The following SND1 variants were observed in gnomAD, a reference collection of about 807,000 sequenced individuals.
The protein encoded by SND1 is staphylococcal nuclease domain-containing protein 1.
SND1 carries 38 observed loss-of-function variants against 121.7 expected under a neutral mutation model. The ratio of observed to expected loss-of-function variants is 0.31; its 90% CI spans 0.24 to 0.41. SND1 has a LOEUF of 0.41. Ranked by LOEUF, SND1 falls within the 10% of genes least tolerant of loss-of-function variation. SND1 has a pLI of 1.00. For missense variants in SND1, 868 were observed against 1,184.6 expected, an observed-to-expected ratio of 0.73 and a Z score of 3.92; for synonymous variants, 401 against 447.4, an observed-to-expected ratio of 0.90 and a Z score of 1.31.
At chr7:128,064,647 T>G (rs1793283700) in intron 16 of SND1, among the ~76,000 whole-genome samples, 1 of 152,170 alleles carries the variant, frequency 6.6e-6, no homozygotes, top group Non-Finnish European at 1.5e-5. Context: ...AAGTGAGCGC[T>G]GCACTAGAGG....
chr7:127,820,336 G>A (rs1442952895), intron 11 of SND1, among the ~76,000 whole-genome samples: 2 of 152,140 alleles, frequency 1.3e-5, no homozygotes, highest in Non-Finnish European at 2.9e-5. Context: ...TTAGCCAGGT[G>A]CTTTTTCACA....
intron 12 of SND1, among the ~76,000 whole-genome samples, chr7:127,847,770 G>A (rs1446759896): frequency 6.6e-6 from 1 of 152,192 alleles, no homozygotes; most frequent in Non-Finnish European, 1.5e-5. Context: ...CAATAATATG[G>A]CACTGGTTTT....
intron 11 of SND1, among the ~76,000 whole-genome samples, chr7:127,833,006 G>A (rs957671438): frequency 1.3e-5 from 2 of 152,148 alleles, no homozygotes; most frequent in Admixed American, 6.5e-5. Flanking sequence ...TGTAAAAATT[G>A]TCTTCTACAA....
chr7:127,747,047 A>G (rs1796995382), intron 10 of SND1, among the ~76,000 whole-genome samples: 1 of 152,208 alleles, frequency 6.6e-6, no homozygotes, highest in African/African-American at 2.4e-5. Flanking sequence ...TTGAGAATAA[A>G]TGCCTTTGCA....
intron 14 of SND1, among the ~76,000 whole-genome samples, chr7:127,921,265 A>C (rs79233216): frequency 0.058 from 8,828 of 152,230 alleles, 743 homozygotes; most frequent in African/African-American, 0.18. Flanking sequence ...GCTATTGCCC[A>C]AGAGTTTAGA....
chr7:127,928,691 C>T (rs1375526372), intron 14 of SND1, among the ~76,000 whole-genome samples: 3 of 152,034 alleles, frequency 2.0e-5, no homozygotes, highest in Admixed American at 6.6e-5. Flanking sequence ...CAGGTTCAAG[C>T]GATTCTCCTG....
At chr7:127,662,836 C>G (rs1253081373) in intron 1 of SND1, among the ~76,000 whole-genome samples, 2 of 151,984 alleles carry the variant, frequency 1.3e-5, no homozygotes, top group African/African-American at 4.8e-5. Context: ...TGCTCAAGTC[C>G]CTTGTATAAC....
At chr7:127,844,752 A>G (rs1799027134) in intron 12 of SND1, among the ~76,000 whole-genome samples, 1 of 152,190 alleles carries the variant, frequency 6.6e-6, no homozygotes, top group African/African-American at 2.4e-5. Flanking sequence ...GTCTCTGCAT[A>G]TTGGTTTAGG....
At chr7:127,952,501 G>A (rs945980859) in intron 15 of SND1, among the ~76,000 whole-genome samples, 1 of 152,144 alleles carries the variant, frequency 6.6e-6, no homozygotes, top group Non-Finnish European at 1.5e-5. Flanking sequence ...ACTGTTAGCT[G>A]TAGGCTGAAA....
chr7:128,055,288 T>C (rs1371562055), intron 16 of SND1, among the ~76,000 whole-genome samples: 2 of 152,182 alleles, frequency 1.3e-5, no homozygotes, highest in South Asian at 2.1e-4. Context: ...TGGGTTCCCA[T>C]GTTCTTGTCA....
rs1795818985 is a variant in SND1 at position 127,686,720 on chromosome 7, G to A, written c.186G>A (p.Arg62=). The A allele has an allele frequency of 6.2e-7, 1 of 1,614,048 alleles. No individual in the cohort carries two copies. The highest frequency in any genetic ancestry group is 1.3e-5 in the African/African-American group (1 of 74,924). ...TTCGTGCTGGAAATCTTGCTCGCCG[G>A]GCAGCCGCCACACAACCTGATGCAA... The part of the protein sequence containing the change: ...SNIRAGNLAR[R]AAATQPDAKD... The change falls in exon 2 of 24, where the codon CGG becomes CGA. Residue 62 remains arginine (R), a synonymous_variant. Coordinates refer to ENST00000354725, the MANE Select transcript of SND1 (RefSeq NM_014390.4).
chr7:127,809,834 C>A (rs560165884), intron 11 of SND1, among the ~76,000 whole-genome samples: 1 of 152,312 alleles, frequency 6.6e-6, no homozygotes, highest in East Asian at 1.9e-4. Context: ...TGATGACCTC[C>A]ATCCTAGTTT....
chr7:127,767,002 A>G (rs886763875), intron 10 of SND1, among the ~76,000 whole-genome samples: 3 of 152,002 alleles, frequency 2.0e-5, no homozygotes, highest in African/African-American at 4.8e-5. Context: ...GCTCATGGCA[A>G]TAACACTGTG....
chr7:128,056,197 T>C (rs546439084), intron 16 of SND1, among the ~76,000 whole-genome samples: 1 of 152,374 alleles, frequency 6.6e-6, no homozygotes, highest in East Asian at 1.9e-4. Context: ...CAAGGAGCTA[T>C]TGGTCTTTCC....
intron 15 of SND1, among the ~76,000 whole-genome samples, chr7:127,976,107 A>T (rs1364312700): frequency 6.6e-6 from 1 of 152,136 alleles, no homozygotes; most frequent in African/African-American, 2.4e-5. Flanking sequence ...GCACAAGCTC[A>T]CACACACCCC....
chr7:127,968,842 A>G (rs1190043301), intron 15 of SND1, among the ~76,000 whole-genome samples: 1 of 152,234 alleles, frequency 6.6e-6, no homozygotes, highest in Non-Finnish European at 1.5e-5. Flanking sequence ...GGGCCCTGGC[A>G]GGGCACATAT....
chr7:128,047,869 C>A (rs552855965), intron 16 of SND1, among the ~76,000 whole-genome samples: 1 of 150,208 alleles, frequency 6.7e-6, no homozygotes, highest in Admixed American at 6.6e-5. Flanking sequence ...TTTTTTGAGA[C>A]GAAATTTCGC....
intron 10 of SND1, among the ~76,000 whole-genome samples, chr7:127,741,391 G>GT (rs1322694846): frequency 6.6e-6 from 1 of 152,092 alleles, no homozygotes; most frequent in African/African-American, 2.4e-5. Context: ...TTACCTGTTT[G>GT]TTTTTTGTTT....
At chr7:127,755,018 T>C (rs567829378) in intron 10 of SND1, among the ~76,000 whole-genome samples, 1 of 152,332 alleles carries the variant, frequency 6.6e-6, no homozygotes, top group African/African-American at 2.4e-5. Flanking sequence ...TGGCTCTACT[T>C]AGTTCAGGGG....
Sources: allele counts gnomAD v4.1 joint callset (sites outside exome capture counted in the v4.1 genomes callset), GRCh38; gene constraint gnomAD v4.1.1; transcripts MANE v1.5; gene names NCBI Gene and HGNC (gene_info 2026-07-23, HGNC 2026-07-21).